The following FAM13A variants were observed in gnomAD, a reference collection of about 807,000 sequenced individuals.
FAM13A encodes the protein family with sequence similarity 13 member A, also known as protein FAM13A.
Under a neutral mutation model 129.6 loss-of-function variants are expected in FAM13A, and 76 were observed. That is an observed-to-expected ratio of 0.59 (90% confidence interval 0.49 to 0.71). FAM13A has a LOEUF of 0.71. Among genes scored for constraint, FAM13A ranks in the 30% least tolerant of loss-of-function variants. The pLI is 0.00. For synonymous variants in FAM13A, 443 were observed against 449.9 expected (o/e 0.98, Z 0.20); for missense variants, 1,108 against 1,249.3 (o/e 0.89, Z 1.70).
intron 4 of FAM13A, among the ~76,000 whole-genome samples, chr4:88,949,452 GA>G (rs961077254): frequency 6.6e-6 from 1 of 150,718 alleles, no homozygotes; most frequent in Non-Finnish European, 1.5e-5. Context: ...GCCAGAAAAA[GA>G]AAAAAAAATC....
chr4:88,726,957 A>G lies in FAM13A; in HGVS notation c.*1576T>C, dbSNP rs1320253144. ...ATTCAGCTGACAGAAGAGAGCTGCT[A>G]CCTCACTTCAGCAATGGAAAATGTT... On this transcript the variant is annotated 3_prime_UTR_variant, in exon 24 of 24. Transcript: ENST00000264344. 6.6e-6 allele frequency: 1 copy of G among 152,442 alleles called. No individual in the cohort carries two copies. The highest frequency in any genetic ancestry group is 1.5e-5 in the Non-Finnish European group (1 of 68,032). The allele number at this position is 152,442 out of a possible 1,614,324, so 9.4% of individuals were successfully genotyped here. A position where few individuals can be genotyped will look rare whatever the true frequency, so the allele number is the denominator to read the frequency against.
At chr4:89,038,797 TTAA>T (rs1354399221) in intron 1 of FAM13A, among the ~76,000 whole-genome samples, 4 of 152,146 alleles carry the variant, frequency 2.6e-5, no homozygotes, top group Non-Finnish European at 4.4e-5. Context: ...CACAAATCAC[TTAA>T]TAATGTAAGC....
chr4:88,836,067 A>G (rs2149903963), intron 7 of FAM13A, among the ~76,000 whole-genome samples: 1 of 152,312 alleles, frequency 6.6e-6, no homozygotes, highest in African/African-American at 2.4e-5. Context: ...AAAAATATAG[A>G]CAAGATTAAA....
At chr4:89,049,509 T>C (rs370287095) in intron 1 of FAM13A, among the ~76,000 whole-genome samples, 2 of 152,250 alleles carry the variant, frequency 1.3e-5, no homozygotes, top group South Asian at 2.1e-4. Context: ...ATTTGGAATT[T>C]AACCACAAAA....
At chr4:88,863,398 T>C (rs952142140) in intron 6 of FAM13A, among the ~76,000 whole-genome samples, 8 of 152,124 alleles carry the variant, frequency 5.3e-5, no homozygotes, top group African/African-American at 1.4e-4. Context: ...TCCCCCATAC[T>C]GTGTCCTAAG....
chr4:88,968,880 T>C (rs530624490), intron 4 of FAM13A, among the ~76,000 whole-genome samples: 43 of 152,294 alleles, frequency 2.8e-4, no homozygotes, highest in African/African-American at 9.9e-4. Context: ...GTTAGGGATT[T>C]TGGGGTCACA....
At chr4:88,957,416 T>C (rs1296416123) in intron 4 of FAM13A, among the ~76,000 whole-genome samples, 1 of 152,170 alleles carries the variant, frequency 6.6e-6, no homozygotes, top group Non-Finnish European at 1.5e-5. Flanking sequence ...GAGGCTTCCC[T>C]AGAAGCTGAC....
intron 23 of FAM13A, chr4:88,729,269 T>C (rs1310197026): frequency 6.6e-6 from 1 of 152,320 alleles, no homozygotes; most frequent in Non-Finnish European, 1.5e-5. Flanking sequence ...CATGATCTGA[T>C]AGAACCCTTA....
chr4:88,735,210 C>T (rs1738732619), intron 21 of FAM13A, among the ~76,000 whole-genome samples: 1 of 152,098 alleles, frequency 6.6e-6, no homozygotes, highest in African/African-American at 2.4e-5. Flanking sequence ...AAGGGCAAAA[C>T]TAAGCCTATG....
At chr4:88,951,063 G>A (rs1200726581) in intron 4 of FAM13A, among the ~76,000 whole-genome samples, 2 of 152,174 alleles carry the variant, frequency 1.3e-5, no homozygotes, top group African/African-American at 2.4e-5. Context: ...GCTGGGAGGA[G>A]CAATGGGCTT....
At chr4:88,797,358 A>G (rs1726423965) in intron 8 of FAM13A, among the ~76,000 whole-genome samples, 1 of 151,174 alleles carries the variant, frequency 6.6e-6, no homozygotes, top group Admixed American at 6.6e-5. Flanking sequence ...CTGAAATCTC[A>G]AACTCCTGGG....
At chr4:88,847,750 C>T (rs978323474) in intron 7 of FAM13A, among the ~76,000 whole-genome samples, 21 of 152,210 alleles carry the variant, frequency 1.4e-4, no homozygotes, top group South Asian at 4.1e-4. Context: ...CTGGCTAACA[C>T]GGTGAAACCC....
chr4:88,850,341 G>A (rs889197323), intron 7 of FAM13A, among the ~76,000 whole-genome samples: 2 of 151,878 alleles, frequency 1.3e-5, no homozygotes, highest in African/African-American at 4.8e-5. Flanking sequence ...GATCATTTGA[G>A]TTCAGGAATT....
At chr4:89,022,470 A>C (rs1767403575) in intron 2 of FAM13A, among the ~76,000 whole-genome samples, 1 of 152,184 alleles carries the variant, frequency 6.6e-6, no homozygotes, top group South Asian at 2.1e-4. Context: ...TTCTGAAAAA[A>C]ATTGTGACAC....
At chr4:89,040,255 C>T (rs769111313) in intron 1 of FAM13A, among the ~76,000 whole-genome samples, 2 of 152,066 alleles carry the variant, frequency 1.3e-5, no homozygotes, top group Non-Finnish European at 2.9e-5. Flanking sequence ...TACAAAGAGA[C>T]AGAGGGAATG....
At chr4:88,729,566 C>G (rs940581661) in intron 23 of FAM13A, 2 of 152,196 alleles carry the variant, frequency 1.3e-5, no homozygotes, top group African/African-American at 4.8e-5. Flanking sequence ...CTAGTGGCTT[C>G]TCAGCAGAGG....
intron 7 of FAM13A, among the ~76,000 whole-genome samples, chr4:88,809,088 T>G (rs1378725378): frequency 6.6e-6 from 1 of 152,190 alleles, no homozygotes; most frequent in Non-Finnish European, 1.5e-5. Flanking sequence ...GTTACCCTAA[T>G]TTCTAAACTG....
chr4:89,056,874 A>C (rs1221678285), intron 1 of FAM13A, 64 bp downstream of exon 1: 5 of 1,477,248 alleles, frequency 3.4e-6, no homozygotes, highest in East Asian at 2.3e-5. Flanking sequence ...CAAAACAAGG[A>C]AGGCAAGGCC....
chr4:89,032,993 C>A (rs1322809927), intron 1 of FAM13A, among the ~76,000 whole-genome samples: 2 of 152,180 alleles, frequency 1.3e-5, no homozygotes, highest in African/African-American at 2.4e-5. Flanking sequence ...CTGATATGGT[C>A]CTTGATCTAC....
Sources: allele counts gnomAD v4.1 joint callset (sites outside exome capture counted in the v4.1 genomes callset), GRCh38; gene constraint gnomAD v4.1.1; transcripts MANE v1.5; gene names NCBI Gene and HGNC (gene_info 2026-07-23, HGNC 2026-07-21).